The following KMT2C variants were observed in gnomAD, a reference collection of about 807,000 sequenced individuals.
The protein encoded by KMT2C is lysine methyltransferase 2C.
In KMT2C, 88 loss-of-function variants were observed where a neutral mutation model predicts 507.9. The ratio of observed to expected loss-of-function variants is 0.17; its 90% CI spans 0.15 to 0.21. The LOEUF (loss-of-function observed/expected upper bound fraction) is 0.21. Among genes scored for constraint, KMT2C ranks in the 10% least tolerant of loss-of-function variants. The pLI, the probability that KMT2C is intolerant of heterozygous loss-of-function variation, is 1.00. For missense variants in KMT2C, 4,954 were observed against 5,957.8 expected (o/e 0.83, Z 5.55); for synonymous variants, 2,049 against 2,080.8 (o/e 0.98, Z 0.42).
At chr7:152,358,916 T>C (rs1446700157) in intron 1 of KMT2C, among the ~76,000 whole-genome samples, 3 of 152,316 alleles carry the variant, frequency 2.0e-5, no homozygotes, top group Admixed American at 6.5e-5. Flanking sequence ...AATTGTGTCC[T>C]CATAATTCAC....
chr7:152,274,919 A>T (rs2096054643), intron 6 of KMT2C, among the ~76,000 whole-genome samples: 1 of 152,164 alleles, frequency 6.6e-6, no homozygotes. Flanking sequence ...CTATACATAT[A>T]CCAAAAAGAC....
At chr7:152,356,151 C>T (rs904081512) in intron 2 of KMT2C, among the ~76,000 whole-genome samples, 2 of 152,136 alleles carry the variant, frequency 1.3e-5, no homozygotes, top group African/African-American at 2.4e-5. Context: ...GAATATGGAA[C>T]TTCTTTTCTA....
chr7:152,307,207 A>G (rs1186110316), intron 6 of KMT2C, among the ~76,000 whole-genome samples: 5 of 111,410 alleles, frequency 4.5e-5, no homozygotes, highest in Non-Finnish European at 5.3e-5. Flanking sequence ...GGAAGGAAGG[A>G]AGGAAGGAAG....
chr7:152,349,466 GAAA>G (rs766648135), intron 2 of KMT2C, among the ~76,000 whole-genome samples: 1 of 151,402 alleles, frequency 6.6e-6, no homozygotes, highest in Non-Finnish European at 1.5e-5. Context: ...AAAGAGAAAA[GAAA>G]AAAACAGAAA....
At chr7:152,429,858 T>C (rs1414314967) in intron 1 of KMT2C, among the ~76,000 whole-genome samples, 3 of 151,480 alleles carry the variant, frequency 2.0e-5, no homozygotes, top group Non-Finnish European at 2.9e-5. Flanking sequence ...AGCATATATC[T>C]ACAAGCAATA....
At chr7:152,426,107 T>A (rs564952498) in intron 1 of KMT2C, among the ~76,000 whole-genome samples, 14 of 152,220 alleles carry the variant, frequency 9.2e-5, no homozygotes, top group African/African-American at 3.1e-4. Flanking sequence ...TTCATAGAGA[T>A]TTCTGCTGAC....
intron 27 of KMT2C, among the ~76,000 whole-genome samples, chr7:152,196,404 T>C (rs2093963246): frequency 6.6e-6 from 1 of 152,082 alleles, no homozygotes; most frequent in Admixed American, 6.6e-5. Context: ...GACAAACCTG[T>C]CACTCTTTAG....
intron 3 of KMT2C, among the ~76,000 whole-genome samples, chr7:152,325,207 A>G (rs1200522006): frequency 6.6e-6 from 1 of 151,764 alleles, no homozygotes; most frequent in Non-Finnish European, 1.5e-5. Context: ...GCTGGAGTGC[A>G]ATGGTGCGAT....
Position 152,249,961 on chromosome 7 carries a change from T to A in KMT2C, c.1736-8A>T, listed in dbSNP as rs1239113870. ...CAGTGTGGACTTGAACCGCTGTGAG[T>A]AACACATTTATAAAATCTCTAAGGA... On this transcript the variant is annotated splice_polypyrimidine_tract_variant and splice_region_variant and intron_variant, in intron 12 of 58. Transcript: ENST00000262189. 6.3e-7 allele frequency: 1 copy of A among 1,590,838 alleles called. No homozygotes were observed. Among genetic ancestry groups the A allele is most frequent in the Non-Finnish European group, 8.6e-7 (1 of 1,160,098 alleles).
At chr7:152,288,265 C>G (rs73483071) in intron 6 of KMT2C, among the ~76,000 whole-genome samples, 1 of 147,048 alleles carries the variant, frequency 6.8e-6, no homozygotes, top group Non-Finnish European at 1.5e-5. Context: ...CAGGTGCGGT[C>G]GCTCAGGCCT....
intron 23 of KMT2C, among the ~76,000 whole-genome samples, chr7:152,211,964 C>A (rs940079179): frequency 6.6e-6 from 1 of 152,170 alleles, no homozygotes; most frequent in African/African-American, 2.4e-5. Flanking sequence ...AAGAGAATGG[C>A]ACGAACCTGG....
At position 152,162,644 on chromosome 7, in the gene KMT2C, C is replaced by T. The variant is rs1313038744; in HGVS notation, c.10933G>A (p.Ala3645Thr). The T allele has an allele frequency of 1.5e-5, 25 of 1,614,188 alleles. No homozygotes were observed. Among genetic ancestry groups the T allele is most frequent in the Non-Finnish European group, 2.1e-5 (25 of 1,180,030 alleles). ...GGAAGCTCACTGGGTGTGCTCACTG[C>T]AGGAGTAGAGGTAGTTTCTGAGATG... is the stretch of plus-strand genomic sequence containing the variant. ...PGISETTSTP[A>T]VSTPSELPQQ... The change falls in exon 43 of 59, where the codon GCA becomes ACA. Residue 3645 changes from alanine to threonine, a missense_variant. Ala to Thr is a moderately conservative substitution (Grantham distance 58). Around this residue, in one of 29 missense-constraint regions of KMT2C, gnomAD observed 801 missense variants for 751.2 expected, o/e 1.07. Transcript: ENST00000262189.
intron 21 of KMT2C, 59 bp from the exon 22 acceptor site, chr7:152,222,125 A>C: frequency 9.3e-7 from 1 of 1,074,302 alleles, no homozygotes; most frequent in Non-Finnish European, 1.3e-6. Flanking sequence ...GTGTATTTAA[A>C]TACTTATATA....
chr7:152,367,211 C>G (rs2097254480), intron 1 of KMT2C: 12 of 1,491,990 alleles, frequency 8.0e-6, no homozygotes, highest in Admixed American at 1.8e-5. Context: ...TTCTACTCAG[C>G]AGATGCAGTG....
At chr7:152,366,069 C>G (rs2097240897) in intron 1 of KMT2C, among the ~76,000 whole-genome samples, 1 of 152,060 alleles carries the variant, frequency 6.6e-6, no homozygotes, top group Non-Finnish European at 1.5e-5. Flanking sequence ...AGGATGGCTA[C>G]TGTGAAAAAT....
chr7:152,139,210 G>A lies in KMT2C; in HGVS notation c.14510C>T (p.Ala4837Val). 1.2e-6 allele frequency: 2 copies of A among 1,613,934 alleles called. No homozygotes were observed. The highest frequency in any genetic ancestry group is 1.7e-6 in the Non-Finnish European group (2 of 1,180,002). The change falls in exon 57 of 59, where the codon GCG (alanine) becomes GTG (valine). Residue 4837 changes from alanine (A) to valine (V), a missense_variant. By Grantham distance (64) the Ala-to-Val change is moderately conservative. Transcript: ENST00000262189. Reference sequence around the variant, plus strand: ...CCTTGCGGGCCCTCCTGTGAGCGTCGCGTCAATCACATGGTCGTTATCCAT... The same window carrying A: ...CCTTGCGGGCCCTCCTGTGAGCGTCACGTCAATCACATGGTCGTTATCCAT... Reference protein sequence around the residue: ...FRMDNDHVIDATLTGGPARYI... With the variant: ...FRMDNDHVIDVTLTGGPARYI...
At chr7:152,255,146 C>CATATAT in intron 9 of KMT2C, among the ~76,000 whole-genome samples, 1 of 63,984 alleles carries the variant, frequency 1.6e-5, no homozygotes, top group East Asian at 4.7e-4. Context: ...TATATATATA[C>CATATAT]ATATATATAT....
intron 44 of KMT2C, chr7:152,157,934 A>G: frequency 7.6e-7 from 1 of 1,314,752 alleles, no homozygotes; most frequent in Non-Finnish European, 1.0e-6. Flanking sequence ...TGCTATTAAA[A>G]AACACATTTA....
chr7:152,361,573 G>GA (rs966837592), intron 1 of KMT2C, among the ~76,000 whole-genome samples: 2 of 151,682 alleles, frequency 1.3e-5, no homozygotes, highest in African/African-American at 4.8e-5. Flanking sequence ...CAAAAAAAAA[G>GA]AATTTATTAA....
Sources: gnomAD v4.1 joint callset for allele counts (sites outside exome capture counted in the v4.1 genomes callset) on GRCh38, gnomAD v4.1.1 for gene constraint, gnomAD v4.1.1 regional missense constraint, MANE v1.5 for transcripts, NCBI Gene and HGNC (gene_info 2026-07-23, HGNC 2026-07-21) for gene names.